The following CCDC88A variants were observed in gnomAD, a reference collection of about 807,000 sequenced individuals.
CCDC88A encodes girdin.
CCDC88A carries 54 observed loss-of-function variants against 234.3 expected under a neutral mutation model. The observed-to-expected ratio is 0.23, with a 90% CI of 0.19 to 0.29. The LOEUF (loss-of-function observed/expected upper bound fraction) is 0.29, where lower values mean the gene tolerates loss of function less well. Ranked by LOEUF, CCDC88A falls within the 10% of genes least tolerant of loss-of-function variation. The probability of loss-of-function intolerance (pLI) is 1.00; values close to 1 mark genes in which losing one functional copy is unlikely to be tolerated. For synonymous variants in CCDC88A, 753 were observed against 737.8 expected, an observed-to-expected ratio of 1.02 and a Z score of -0.33; for missense variants, 1,832 against 2,123.4, an observed-to-expected ratio of 0.86 and a Z score of 2.70.
rs1190276036 is a variant in CCDC88A at position 55,393,295 on chromosome 2, T to TTTTG, written c.165-4410_165-4409insCAAA. 3.3e-4 allele frequency among the ~76,000 whole-genome samples: 41 copies of TTTTG among 124,484 alleles called. No homozygotes were observed. The East Asian group carries it at 8.5e-3, about 26-fold the overall frequency. 81.7% of individuals were successfully genotyped at this position (124,484 alleles called of 152,430 possible). A position where few individuals can be genotyped will look rare whatever the true frequency, so the allele number is the denominator to read the frequency against. On this transcript the variant is annotated intron_variant, in intron 2 of 32. Transcript: ENST00000436346. ...TTTGATTTTGGTTTTTTGGGTTTTTTTTTTTTTTTTTTTTTTTGCGACAGA... is the reference window on the plus strand; with the variant it reads ...TTTGATTTTGGTTTTTTGGGTTTTTTTTTGTTTTTTTTTTTTTTTTTGCGACAGA...
At chr2:55,349,649 AT>A (rs1483623544) in intron 8 of CCDC88A, 50 bp from the exon 9 acceptor site, 2 of 1,239,900 alleles carry the variant, frequency 1.6e-6, no homozygotes. Context: ...GAAAACTGTG[AT>A]CATCATCTGC....
chr2:55,401,444 A>AT (rs1299917625), intron 2 of CCDC88A, among the ~76,000 whole-genome samples: 6 of 25,928 alleles, frequency 2.3e-4, no homozygotes, highest in African/African-American at 7.6e-4. Context: ...CAAAAAAAAA[A>AT]AAAATATATA....
chr2:55,291,300 A>G (rs1679427764), intron 32 of CCDC88A, 136 bp from the exon 33 acceptor site: 1 of 154,052 alleles, frequency 6.5e-6, no homozygotes, highest in South Asian at 2.1e-4. Flanking sequence ...AATGACAGAC[A>G]ATCAGAGATA....
Position 55,309,211 on chromosome 2 carries a change from C to T in CCDC88A, c.4123G>A (p.Glu1375Lys). Residue 1375 changes from glutamate to lysine, a missense_variant, in exon 24 of 33, where the codon GAG (glutamate) becomes AAG (lysine). Glu to Lys is a moderately conservative substitution (Grantham distance 56). Around this residue, in one of 6 missense-constraint regions of CCDC88A, gnomAD observed 1,282 missense variants for 1,543.6 expected, o/e 0.83. Transcript: ENST00000436346. This position sits in a 1 kb window ranked among gnomAD's most constrained non-coding sequence, Gnocchi z 5.1. ...ELRRQKEKLE[E>K]KIMDQYKFYD... ...AATTTGTATTGATCCATAATTTTCT[C>T]TTCTAGTTTCTCCTTCTGACGTCTT... 6.4e-7 allele frequency: 1 copy of T among 1,553,692 alleles called. No individual in the cohort carries two copies. Among genetic ancestry groups the T allele is most frequent in the Non-Finnish European group, 8.8e-7 (1 of 1,136,454 alleles).
Position 55,295,620 on chromosome 2 carries a change from T to A in CCDC88A, c.5528A>T (p.Asp1843Val), listed in dbSNP as rs1422235053. Residue 1843 changes from aspartate (D) to valine (V), a missense_variant, in exon 31 of 33, where the codon GAC (aspartate) becomes GTC (valine). Asp to Val is a radical substitution (Grantham distance 152). This residue lies in a region of CCDC88A where 422 missense variants were observed against 416.5 expected (regional missense o/e 1.01). Coordinates refer to ENST00000436346, the MANE Select transcript of CCDC88A (RefSeq NM_001365480.1). The stretch of plus-strand genomic sequence containing the variant: ...ACTAGATGCTGCAGTGGTGTTGCTG[T>A]CAGCAGCAGCTGGTGGTGAATCAAC... ...ISVDSPPAAA[D>V]SNTTAASNVD... 1 of 1,614,142 alleles carries A rather than the reference T, an allele frequency of 6.2e-7. No homozygotes were observed. The highest frequency in any genetic ancestry group is 1.1e-5 in the South Asian group (1 of 91,078).
intron 22 of CCDC88A, 23 bp from the exon 23 acceptor site, chr2:55,312,602 T>TA (rs1682468648): frequency 1.9e-6 from 3 of 1,559,956 alleles, no homozygotes; most frequent in Non-Finnish European, 2.6e-6. Context: ...AAACATTTTT[T>TA]AAAAAATCAA....
In CCDC88A at chr2:55,312,553, T is replaced by C; in HGVS notation, c.3960A>G (p.Leu1320=). The change falls in exon 23 of 33, where the codon TTA becomes TTG. Residue 1320 remains leucine (L), a synonymous_variant. Transcript: ENST00000436346. ...CTAGTAGATGCCGATTTTCTTCTTC[T>C]AAATTTCCTTTAAGTTGGCTTAGCA... ...CELLSQLKGN[L]EEENRHLLDQ... 1 of 1,610,214 alleles carries C rather than the reference T, an allele frequency of 6.2e-7. No homozygotes were observed. The highest frequency in any genetic ancestry group is 1.1e-5 in the South Asian group (1 of 90,748).
intron 3 of CCDC88A, among the ~76,000 whole-genome samples, chr2:55,380,872 T>A (rs1674475932): frequency 6.6e-6 from 1 of 152,156 alleles, no homozygotes; most frequent in Non-Finnish European, 1.5e-5. Context: ...TGCCTTGGCC[T>A]CCCAAAGTGC....
At position 55,364,002 on chromosome 2, in the gene CCDC88A, A is replaced by C; in HGVS notation, c.434T>G (p.Ile145Ser). 6.3e-7 allele frequency: 1 copy of C among 1,590,668 alleles called. No homozygotes were observed. The highest frequency in any genetic ancestry group is 1.1e-5 in the South Asian group (1 of 89,796). Residue 145 changes from isoleucine (I) to serine (S), a missense_variant, in exon 6 of 33, where the codon ATT (isoleucine) becomes AGT (serine). By Grantham distance (142) the Ile-to-Ser change is moderately radical. Coordinates refer to ENST00000436346, the MANE Select transcript of CCDC88A (RefSeq NM_001365480.1). ...TTTTGTATCAAAATCTAAACCTTGA[A>C]TTCTTTCAATAAATTCCTCTTTTTT... ...CQKKEEFIER[I>S]QGLDFDTKAA...
At chr2:55,339,799 G>C (rs1668252360) in intron 12 of CCDC88A, 151 bp from the exon 13 acceptor site, 1 of 544,236 alleles carries the variant, frequency 1.8e-6, no homozygotes, top group Non-Finnish European at 3.0e-6. Context: ...AGATAAACAA[G>C]ATAAAAGAAG....
intron 21 of CCDC88A, among the ~76,000 whole-genome samples, chr2:55,316,360 A>T (rs1345166097): frequency 6.6e-6 from 1 of 152,130 alleles, no homozygotes; most frequent in Non-Finnish European, 1.5e-5. Flanking sequence ...CCACACTGGG[A>T]AAAGAATTTT....
intron 11 of CCDC88A, chr2:55,344,075 A>G (rs1488008200): frequency 8.3e-6 from 3 of 360,528 alleles, no homozygotes; most frequent in Non-Finnish European, 1.5e-5. Context: ...ACCAATGCTA[A>G]ATTTTAGCAA....
intron 23 of CCDC88A, among the ~76,000 whole-genome samples, chr2:55,310,105 T>C (rs1213794134): frequency 6.6e-6 from 1 of 152,094 alleles, no homozygotes; most frequent in African/African-American, 2.4e-5. Context: ...TTGTAGGAAG[T>C]TAAAAAATGC....
At chr2:55,323,588 T>C (rs1465385673) in intron 17 of CCDC88A, 1 of 152,186 alleles carries the variant, frequency 6.6e-6, no homozygotes, top group African/African-American at 2.4e-5. Context: ...AATAGATGAG[T>C]GGCATCATTT....
rs1558655798 is a variant in CCDC88A, at chr2:55,317,106, T to TG, written c.3746+99_3746+100insC. ...AAAGGGGCAGTATATAGTTTGGATGTAAGAAATAATACATAATTTTGAAAA... is the reference window on the plus strand; with the variant it reads ...AAAGGGGCAGTATATAGTTTGGATGTGAAGAAATAATACATAATTTTGAAAA... On this transcript the variant is annotated intron_variant, in intron 21 of 32. Transcript: ENST00000436346. The surrounding 1 kb of genome is among the most constrained non-coding windows in gnomAD (Gnocchi z 4.2). 4.8e-6 allele frequency: 2 copies of TG among 412,724 alleles called. No individual in the cohort carries two copies. 25.6% of individuals were successfully genotyped at this position (412,724 alleles called of 1,614,324 possible).
Position 55,295,865 on chromosome 2 carries a change from A to G in CCDC88A, c.5283T>C (p.Thr1761=). 6.2e-7 allele frequency: 1 copy of G among 1,614,140 alleles called. No homozygotes were observed. Among genetic ancestry groups the G allele is most frequent in the South Asian group, 1.1e-5 (1 of 91,070 alleles). The change falls in exon 31 of 33, where the codon ACT becomes ACC. Residue 1761 remains threonine, a synonymous_variant. Transcript: ENST00000436346. ...PEFLRPGPRK[T]EDTYFISSAG... The stretch of plus-strand genomic sequence containing the variant: ...CAGAACTAATGAAGTAGGTATCTTC[A>G]GTTTTTCGAGGACCAGGTCTCAAAA...
At chr2:55,297,531 C>T (rs969693097) in intron 29 of CCDC88A, among the ~76,000 whole-genome samples, 1 of 147,680 alleles carries the variant, frequency 6.8e-6, no homozygotes, top group Non-Finnish European at 1.5e-5. Flanking sequence ...TTGCCTCTGC[C>T]TCCCAAGTAG....
chr2:55,339,326 T>C (rs906053576), intron 13 of CCDC88A, 138 bp downstream of exon 13: 8 of 794,160 alleles, frequency 1.0e-5, no homozygotes, highest in African/African-American at 3.7e-5. Context: ...CACACCATAT[T>C]TGTGTATATT....
chr2:55,311,441 T>G (rs150576270), intron 23 of CCDC88A, among the ~76,000 whole-genome samples: 14 of 152,354 alleles, frequency 9.2e-5, no homozygotes, highest in African/African-American at 3.1e-4. Context: ...TGGTTTCACA[T>G]GTGCCCTGGC....
Sources: allele counts gnomAD v4.1 joint callset (sites outside exome capture counted in the v4.1 genomes callset), GRCh38; gene constraint gnomAD v4.1.1; regional missense constraint gnomAD v4.1.1; non-coding constraint Gnocchi (gnomAD v3.1); transcripts MANE v1.5; gene names NCBI Gene and HGNC (gene_info 2026-07-23, HGNC 2026-07-21).